Variants in ABTB1 observed in about 807,000 individuals in gnomAD.
ABTB1 encodes ankyrin repeat and BTB/POZ domain-containing protein 1.
A neutral mutation model predicts 57.1 loss-of-function variants in ABTB1; 45 were observed. The observed-to-expected ratio is 0.79, with a 90% CI of 0.62 to 1.01. The LOEUF (loss-of-function observed/expected upper bound fraction) is 1.01. Among genes scored for constraint, ABTB1 ranks in the 50% least tolerant of loss-of-function variants. The pLI, the probability that ABTB1 is intolerant of heterozygous loss-of-function variation, is 0.00. For synonymous variants in ABTB1, 302 were observed against 275.4 expected (o/e 1.10, Z -0.95); for missense variants, 630 against 666.3 (o/e 0.95, Z 0.60).
chr3:127,675,798 G>A (rs2074967264), intron 3 of ABTB1, 172 bp from the exon 4 acceptor site: 7 of 803,540 alleles, frequency 8.7e-6, no homozygotes, highest in South Asian at 5.2e-5. Context: ...GTGCCCATTC[G>A]CCTAGCCCTT....
intron 1 of ABTB1, 158 bp from the exon 2 acceptor site, chr3:127,674,233 G>A: frequency 1.1e-6 from 1 of 884,472 alleles, no homozygotes; most frequent in Admixed American, 2.3e-5. Context: ...ACTTTGCCTT[G>A]AGTGCCTCTC....
rs777919571 is a variant in ABTB1 at position 127,676,268 on chromosome 3, C to T, written c.321-4C>T. 14 of 1,612,398 alleles carry T rather than the reference C, an allele frequency of 8.7e-6. No homozygotes were observed. The highest frequency in any genetic ancestry group is 1.1e-5 in the South Asian group (1 of 90,982). On this transcript the variant is annotated splice_polypyrimidine_tract_variant and splice_region_variant and intron_variant, in intron 4 of 11. Coordinates refer to ENST00000232744, the MANE Select transcript of ABTB1 (RefSeq NM_172027.3). The surrounding 1 kb of genome is among the most constrained non-coding windows in gnomAD (Gnocchi z 5.4). ...ATCCTCCCTCCTGGCTTGTCCCTCC[C>T]CAGGCTTCTAGAGCAGGGCATCCAC...
Position 127,677,075 on chromosome 3 carries a change from C to CTT in ABTB1, c.636_637insTT (p.Glu213LeufsTer12). Reference sequence around the variant, plus strand: ...CTGGAGGCCAAGTGCGAGAAGGTGTCTGAGTTTGGTGCGAGCAGGGTTTGG... The same window carrying CTT: ...CTGGAGGCCAAGTGCGAGAAGGTGTCTTTGAGTTTGGTGCGAGCAGGGTTTGG... On this transcript the variant is annotated frameshift_variant, in exon 7 of 12. Transcript: ENST00000232744. LOFTEE classifies it high-confidence loss of function. 6.2e-7 allele frequency: 1 copy of CTT among 1,614,112 alleles called. No homozygotes were observed. The highest frequency in any genetic ancestry group is 8.5e-7 in the Non-Finnish European group (1 of 1,179,988).
intron 1 of ABTB1, chr3:127,673,702 A>C (rs1042881984): frequency 2.0e-5 from 3 of 150,546 alleles, no homozygotes; most frequent in African/African-American, 8.0e-5. Flanking sequence ...CCTGGTGCTG[A>C]CTGACTGCTT....
intron 7 of ABTB1, 22 bp downstream of exon 7, chr3:127,677,105 C>T (rs1559887232): frequency 3.7e-6 from 6 of 1,613,692 alleles, no homozygotes; most frequent in Middle Eastern, 1.6e-4. Context: ...GTTTGGGGCC[C>T]GGGGCCATGG....
At chr3:127,675,869 A>G in intron 3 of ABTB1, 101 bp from the exon 4 acceptor site, 2 of 1,482,646 alleles carry the variant, frequency 1.3e-6, no homozygotes, top group Non-Finnish European at 1.8e-6. Flanking sequence ...ATCGCCAGAG[A>G]TTCGGAGCCC....
chr3:127,679,647 C>A, intron 10 of ABTB1: 1 of 510,014 alleles, frequency 2.0e-6, no homozygotes, highest in Non-Finnish European at 3.8e-6. Flanking sequence ...AGTGACTTGC[C>A]CAGGGCCCCA....
rs1165127219 is a variant in ABTB1 at position 127,680,589 on chromosome 3, T to A, written c.*114T>A. On this transcript the variant is annotated 3_prime_UTR_variant, in exon 12 of 12. Coordinates refer to ENST00000232744, the MANE Select transcript of ABTB1 (RefSeq NM_172027.3). ...TGCACATTGAGGGCTTCATGGGGGG[T>A]GCGAGGGGCTCAGTGGGGCTTCTCT... 1.5e-6 allele frequency: 2 copies of A among 1,314,392 alleles called. No homozygotes were observed. Among genetic ancestry groups the A allele is most frequent in the Non-Finnish European group, 2.2e-6 (2 of 923,640 alleles). 81.4% of individuals were successfully genotyped at this position (1,314,392 alleles called of 1,614,324 possible).
At position 127,676,944 on chromosome 3, in the gene ABTB1, C is replaced by T. The variant is rs2074996224; in HGVS notation, c.527-23C>T. 1 of 1,609,828 alleles carries T rather than the reference C, an allele frequency of 6.2e-7. No individual in the cohort carries two copies. Among genetic ancestry groups the T allele is most frequent in the Non-Finnish European group, 8.5e-7 (1 of 1,177,256 alleles). ...GATGACAGCTGAGGTCCCGCAGGCCCTCATCCTCCCCACTGCCCCCAGGCC... is the reference window on the plus strand; with the variant it reads ...GATGACAGCTGAGGTCCCGCAGGCCTTCATCCTCCCCACTGCCCCCAGGCC... On this transcript the variant is annotated intron_variant, in intron 6 of 11. Transcript: ENST00000232744. The surrounding 1 kb of genome is among the most constrained non-coding windows in gnomAD (Gnocchi z 5.4).
chr3:127,676,261 T>TC lies in ABTB1; in HGVS notation c.321-8dup. The stretch of plus-strand genomic sequence containing the variant: ...GCCAAGTATCCTCCCTCCTGGCTTG[T>TC]CCCTCCCCAGGCTTCTAGAGCAGGG... On this transcript the variant is annotated splice_polypyrimidine_tract_variant and intron_variant, in intron 4 of 11. Coordinates refer to ENST00000232744, the MANE Select transcript of ABTB1 (RefSeq NM_172027.3). The surrounding 1 kb of genome is among the most constrained non-coding windows in gnomAD (Gnocchi z 5.4). 6.2e-7 allele frequency: 1 copy of TC among 1,611,606 alleles called. No individual in the cohort carries two copies. Among genetic ancestry groups the TC allele is most frequent in the African/African-American group, 1.3e-5 (1 of 74,984 alleles).
Position 127,676,651 on chromosome 3 carries a change from G to A in ABTB1, c.526+70G>A. 6.3e-7 allele frequency: 1 copy of A among 1,589,364 alleles called. No individual in the cohort carries two copies. The highest frequency in any genetic ancestry group is 8.6e-7 in the Non-Finnish European group (1 of 1,160,458). On this transcript the variant is annotated intron_variant, in intron 6 of 11. Transcript: ENST00000232744. The surrounding 1 kb of genome is among the most constrained non-coding windows in gnomAD (Gnocchi z 5.4). The stretch of plus-strand genomic sequence containing the variant: ...CTTCTGGACAGCAGTACACCTAGGT[G>A]TGGCTGGGCTGACCTTTCACCTCTA...
At position 127,672,957 on chromosome 3, in the gene ABTB1, T is replaced by C. The variant is rs1475964273; in HGVS notation, c.-69T>C. The C allele has an allele frequency of 2.0e-6, 3 of 1,484,910 alleles. No homozygotes were observed. Among genetic ancestry groups the C allele is most frequent in the Admixed American group, 2.1e-5 (1 of 47,700 alleles). The allele number at this position is 1,484,910 out of a possible 1,614,324, so 92.0% of individuals were successfully genotyped here. ...GAGCGGGGCGGGGCGGGGCTGAGCG[T>C]GTTTACATCCGCCGGGTGCGCGGCT... On this transcript the variant is annotated 5_prime_UTR_variant, in exon 1 of 12. Coordinates refer to ENST00000232744, the MANE Select transcript of ABTB1 (RefSeq NM_172027.3).
chr3:127,674,658 G>A (rs928910889), intron 3 of ABTB1, 58 bp downstream of exon 3: 59 of 1,590,588 alleles, frequency 3.7e-5, no homozygotes, highest in Middle Eastern at 3.5e-4. Context: ...TGTGCGTGTG[G>A]GTGCATGCAT....
intron 1 of ABTB1, chr3:127,673,486 A>C: frequency 6.3e-6 from 1 of 158,636 alleles, no homozygotes; most frequent in Non-Finnish European, 1.4e-5. Flanking sequence ...TGGCGCGGGG[A>C]ACACCTAGAG....
At chr3:127,674,632 C>T (rs776782696) in intron 3 of ABTB1, 32 bp downstream of exon 3, 23 of 1,613,446 alleles carry the variant, frequency 1.4e-5, no homozygotes, top group African/African-American at 4.0e-5. Flanking sequence ...CACGGGTGTG[C>T]GTGGGTGCAT....
Position 127,676,209 on chromosome 3 carries a change from G to C in ABTB1, c.321-63G>C. 7.5e-6 allele frequency: 12 copies of C among 1,604,974 alleles called. No individual in the cohort carries two copies. The highest frequency in any genetic ancestry group is 1.0e-5 in the Non-Finnish European group (12 of 1,173,514). On this transcript the variant is annotated intron_variant, in intron 4 of 11. Coordinates refer to ENST00000232744, the MANE Select transcript of ABTB1 (RefSeq NM_172027.3). This position sits in a 1 kb window ranked among gnomAD's most constrained non-coding sequence, Gnocchi z 5.4. Reference sequence around the variant, plus strand: ...GACTGTGGCCTGCACTGGGTTCTGAGTGCTCCGAGGAATGGGGTGGGGCTG... The same window carrying C: ...GACTGTGGCCTGCACTGGGTTCTGACTGCTCCGAGGAATGGGGTGGGGCTG...
At chr3:127,674,302 G>A (rs1210263465) in intron 1 of ABTB1, 89 bp from the exon 2 acceptor site, 9 of 1,523,444 alleles carry the variant, frequency 5.9e-6, no homozygotes, top group Admixed American at 2.0e-5. Flanking sequence ...ATACCAAAAG[G>A]GATGTTTTCT....
intron 10 of ABTB1, chr3:127,679,495 C>CTGGTAGAT (rs2075071657): frequency 4.4e-6 from 2 of 456,432 alleles, no homozygotes; most frequent in Non-Finnish European, 8.8e-6. Context: ...AGGGAGGGAG[C>CTGGTAGAT]TGGTAGATAG....
chr3:127,677,067 G>A lies in ABTB1; in HGVS notation c.627G>A (p.Glu209=). ...DLLSDLEAKC[E]KVSEFVASKP... ...TCAGCGACCTGGAGGCCAAGTGCGA[G>A]AAGGTGTCTGAGTTTGGTGCGAGCA... is the stretch of plus-strand genomic sequence containing the variant. Residue 209 remains glutamate (E), a synonymous_variant, in exon 7 of 12, where the codon GAG becomes GAA. Coordinates refer to ENST00000232744, the MANE Select transcript of ABTB1 (RefSeq NM_172027.3). The A allele has an allele frequency of 6.2e-7, 1 of 1,614,162 alleles. No individual in the cohort carries two copies. The highest frequency in any genetic ancestry group is 1.1e-5 in the South Asian group (1 of 91,082).
Sources: gnomAD v4.1 joint callset for allele counts on GRCh38, gnomAD v4.1.1 for gene constraint, Gnocchi (gnomAD v3.1) non-coding constraint, MANE v1.5 for transcripts, NCBI Gene and HGNC (gene_info 2026-07-23, HGNC 2026-07-21) for gene names.